LRRN2: variants seen among roughly 807,000 people sequenced by gnomAD.
LRRN2 encodes leucine rich repeat neuronal 2, also known as leucine-rich repeat neuronal protein 2.
Under a neutral mutation model 35.7 loss-of-function variants are expected in LRRN2, and 10 were observed. That is an observed-to-expected ratio of 0.28 (90% CI 0.17 to 0.47). The LOEUF (loss-of-function observed/expected upper bound fraction) is 0.47. Ranked by LOEUF, LRRN2 falls within the 20% of genes least tolerant of loss-of-function variation. LRRN2 has a pLI of 0.99. For missense variants in LRRN2, 731 were observed against 940.3 expected (o/e 0.78, Z 2.91); for synonymous variants, 391 against 409.6 (o/e 0.95, Z 0.55).
chr1:204,650,958 G>A (rs1293659572), intron 1 of LRRN2, among the ~76,000 whole-genome samples: 1 of 152,126 alleles, frequency 6.6e-6, no homozygotes, highest in Non-Finnish European at 1.5e-5. Context: ...CACCTTCCAG[G>A]GCAGAAGGAA....
chr1:204,652,692 A>G (rs1251075184), intron 1 of LRRN2, among the ~76,000 whole-genome samples: 2 of 152,192 alleles, frequency 1.3e-5, no homozygotes, highest in Non-Finnish European at 1.5e-5. Flanking sequence ...TCTCAAACTA[A>G]GAGCGTGCCC....
At chr1:204,637,397 G>C (rs1667861083) in intron 1 of LRRN2, among the ~76,000 whole-genome samples, 1 of 152,208 alleles carries the variant, frequency 6.6e-6, no homozygotes, top group African/African-American at 2.4e-5. Flanking sequence ...AGTGCACCAG[G>C]GGAGAGGGTG....
rs146301120 is a variant in LRRN2 at position 204,619,668 on chromosome 1, G to A, written c.325C>T (p.Arg109Ter). 3.7e-6 allele frequency: 6 copies of A among 1,614,046 alleles called. No homozygotes were observed. Among genetic ancestry groups the A allele is most frequent in the East Asian group, 2.2e-5 (1 of 44,890 alleles). The change falls in exon 2 of 2, where the codon CGA becomes TGA. Residue 109 changes from arginine to a stop codon, truncating the protein, a stop_gained. Transcript: ENST00000367177. LOFTEE classifies it high-confidence loss of function. ...GGCAGGGCATGGAAATCACAGTCTC[G>A]GGCATCCGAAAAGCTGTTCTGGGAC... ...DLSQNSFSDA[R>*]DCDFHALPQL...
chr1:204,632,357 G>A (rs1667726529), intron 1 of LRRN2, among the ~76,000 whole-genome samples: 2 of 152,184 alleles, frequency 1.3e-5, no homozygotes, highest in African/African-American at 4.8e-5. Flanking sequence ...TTGGCCGGGT[G>A]TGGTGGCTCA....
chr1:204,651,779 G>GA, intron 1 of LRRN2, among the ~76,000 whole-genome samples: 1 of 152,260 alleles, frequency 6.6e-6, no homozygotes, highest in East Asian at 1.9e-4. Context: ...GAATCGCTCA[G>GA]AAAACTCTTT....
intron 1 of LRRN2, among the ~76,000 whole-genome samples, chr1:204,664,981 C>A (rs1426479188): frequency 6.6e-6 from 1 of 152,126 alleles, no homozygotes; most frequent in Non-Finnish European, 1.5e-5. Flanking sequence ...CAAAGTTCCC[C>A]ATGAGTCCCT....
chr1:204,674,640 G>A (rs975980351), intron 1 of LRRN2, among the ~76,000 whole-genome samples: 1 of 152,234 alleles, frequency 6.6e-6, no homozygotes, highest in Admixed American at 6.5e-5. Context: ...TGCTGCATAA[G>A]CTTCACGAGG....
At chr1:204,642,121 C>A (rs944849383) in intron 1 of LRRN2, among the ~76,000 whole-genome samples, 6 of 152,228 alleles carry the variant, frequency 3.9e-5, no homozygotes, top group African/African-American at 1.4e-4. Flanking sequence ...CTCCTGGGCA[C>A]AAGGCCCAGA....
At chr1:204,639,001 C>A (rs760562311) in intron 1 of LRRN2, among the ~76,000 whole-genome samples, 7 of 152,244 alleles carry the variant, frequency 4.6e-5, no homozygotes, top group Non-Finnish European at 1.0e-4. Context: ...TCAGCTCCCA[C>A]CTTTGAAAGT....
chr1:204,655,858 C>A (rs1455582903), intron 1 of LRRN2, among the ~76,000 whole-genome samples: 1 of 152,168 alleles, frequency 6.6e-6, no homozygotes, highest in Non-Finnish European at 1.5e-5. Flanking sequence ...AGCACAGTGG[C>A]CCCCAGAGCT....
chr1:204,627,695 C>T (rs1289093924), intron 1 of LRRN2, among the ~76,000 whole-genome samples: 1 of 152,384 alleles, frequency 6.6e-6, no homozygotes, highest in East Asian at 1.9e-4. Context: ...GAGGCAGCTC[C>T]AGGCTGCATC....
At chr1:204,623,755 C>T (rs1443134535) in intron 1 of LRRN2, among the ~76,000 whole-genome samples, 8 of 152,212 alleles carry the variant, frequency 5.3e-5, no homozygotes, top group African/African-American at 7.2e-5. Context: ...AATTGGATTC[C>T]GAGCTTCTTG....
chr1:204,673,080 G>C (rs1668747491), intron 1 of LRRN2, among the ~76,000 whole-genome samples: 1 of 152,146 alleles, frequency 6.6e-6, no homozygotes, highest in African/African-American at 2.4e-5. Context: ...CTCTCCCTCT[G>C]TCAGATGATA....
chr1:204,623,787 TGCTTTTTGTGTC>T (rs1465023092), intron 1 of LRRN2, among the ~76,000 whole-genome samples: 3 of 152,244 alleles, frequency 2.0e-5, no homozygotes, highest in Admixed American at 2.0e-4. Context: ...ATATCTTACA[TGCTTTTTGTGTC>T]CCCAGAGCAC....
chr1:204,618,930 C>T lies in LRRN2; in HGVS notation c.1063G>A (p.Val355Met). The T allele has an allele frequency of 6.2e-7, 1 of 1,614,110 alleles. No homozygotes were observed. Among genetic ancestry groups the T allele is most frequent in the Non-Finnish European group, 8.5e-7 (1 of 1,180,010 alleles). Reference protein sequence around the residue: ...NALSALHQQTVESLPNLQEVG... With the variant: ...NALSALHQQTMESLPNLQEVG... The stretch of plus-strand genomic sequence containing the variant: ...TCCTGCAGGTTGGGCAGGGACTCCA[C>T]CGTCTGCTGGTGCAAGGCACTGAGA... Residue 355 changes from valine to methionine, a missense_variant, in exon 2 of 2, where the codon GTG (valine) becomes ATG (methionine). Val to Met is a conservative substitution (Grantham distance 21, BLOSUM62 1). This residue lies in a region of LRRN2 where 256 missense variants were observed against 392.4 expected (regional missense o/e 0.65). Coordinates refer to ENST00000367177, the MANE Select transcript of LRRN2 (RefSeq NM_201630.2).
At chr1:204,626,831 T>C (rs1238513776) in intron 1 of LRRN2, 3 of 152,202 alleles carry the variant, frequency 2.0e-5, no homozygotes, top group African/African-American at 7.2e-5. Flanking sequence ...AAAAAATGAA[T>C]AGAAAATATC....
At chr1:204,637,011 G>C (rs933124461) in intron 1 of LRRN2, among the ~76,000 whole-genome samples, 9 of 152,160 alleles carry the variant, frequency 5.9e-5, no homozygotes, top group African/African-American at 2.2e-4. Flanking sequence ...AAGATGGATT[G>C]ATAGATAGAG....
chr1:204,617,667 C>T lies in LRRN2; in HGVS notation c.*184G>A, dbSNP rs1666438964. The T allele has an allele frequency of 1.5e-6, 1 of 669,580 alleles. No homozygotes were observed. Among genetic ancestry groups the T allele is most frequent in the Non-Finnish European group, 2.6e-6 (1 of 387,930 alleles). The allele number at this position is 669,580 out of a possible 1,614,324, so 41.5% of individuals were successfully genotyped here. A position where few individuals can be genotyped will look rare whatever the true frequency, so the allele number is the denominator to read the frequency against. On this transcript the variant is annotated 3_prime_UTR_variant, in exon 2 of 2. Transcript: ENST00000367177. ...CAGAGGTGACCCTAGGAGGTAAGGG[C>T]AACTTTTTCGAGGCTGCAGAAGCAC...
intron 1 of LRRN2, among the ~76,000 whole-genome samples, chr1:204,637,966 G>A (rs998619570): frequency 4.4e-4 from 67 of 152,244 alleles, no homozygotes; most frequent in Admixed American, 1.5e-3. Flanking sequence ...CAGGAGCTGC[G>A]GAGCTGGGGG....
Sources: gnomAD v4.1 joint callset for allele counts (sites outside exome capture counted in the v4.1 genomes callset) on GRCh38, gnomAD v4.1.1 for gene constraint, gnomAD v4.1.1 regional missense constraint, MANE v1.5 for transcripts, NCBI Gene and HGNC (gene_info 2026-07-23, HGNC 2026-07-21) for gene names.